CSMD1: variants seen among roughly 807,000 people sequenced by gnomAD.
The protein encoded by CSMD1 is CUB and sushi domain-containing protein 1.
Under a neutral mutation model 417.5 loss-of-function variants are expected in CSMD1, and 213 were observed. That is an observed-to-expected ratio of 0.51 (90% CI 0.46 to 0.57). CSMD1 has a LOEUF of 0.57. CSMD1 is among the 20% of genes least tolerant of loss of function. The pLI is 0.00. For missense variants in CSMD1, 6,923 were observed against 4,529.7 expected, an observed-to-expected ratio of 1.53 and a Z score of -15.17; for synonymous variants, 2,862 against 1,736.8, an observed-to-expected ratio of 1.65 and a Z score of -16.11.
chr8:3,005,203 A>G (rs1316698595), intron 52 of CSMD1, among the ~76,000 whole-genome samples: 1 of 152,208 alleles, frequency 6.6e-6, no homozygotes, highest in Non-Finnish European at 1.5e-5. Flanking sequence ...TGTTATACGT[A>G]TGGACTGTGC....
intron 3 of CSMD1, among the ~76,000 whole-genome samples, chr8:4,275,353 C>T (rs950960723): frequency 6.6e-6 from 1 of 152,062 alleles, no homozygotes; most frequent in Non-Finnish European, 1.5e-5. Flanking sequence ...TTGGAAGAAA[C>T]TCAGTGCCAA....
At chr8:4,107,597 AG>A (rs1456820764) in intron 3 of CSMD1, among the ~76,000 whole-genome samples, 6 of 152,228 alleles carry the variant, frequency 3.9e-5, no homozygotes, top group Non-Finnish European at 2.9e-5. Flanking sequence ...CTTTGTGAAT[AG>A]CTGGGAGTAT....
At chr8:3,186,176 T>A (rs1026807800) in intron 36 of CSMD1, among the ~76,000 whole-genome samples, 1 of 152,116 alleles carries the variant, frequency 6.6e-6, no homozygotes, top group African/African-American at 2.4e-5. Context: ...GTTGTTGTTG[T>A]TGATGATGTT....
chr8:4,429,385 A>G (rs896906220), intron 2 of CSMD1, among the ~76,000 whole-genome samples: 6 of 152,150 alleles, frequency 3.9e-5, no homozygotes, highest in African/African-American at 1.2e-4. Context: ...ACATCTACAT[A>G]TACAAACTAT....
intron 3 of CSMD1, among the ~76,000 whole-genome samples, chr8:4,240,095 A>G (rs1436111487): frequency 6.6e-6 from 1 of 152,230 alleles, no homozygotes; most frequent in Non-Finnish European, 1.5e-5. Flanking sequence ...CTTCTTAAAT[A>G]CTAAACCAAA....
At chr8:4,257,118 G>C (rs1406137220) in intron 3 of CSMD1, among the ~76,000 whole-genome samples, 1 of 152,200 alleles carries the variant, frequency 6.6e-6, no homozygotes, top group South Asian at 2.1e-4. Flanking sequence ...CTCTATATGA[G>C]TCATACTCAC....
intron 37 of CSMD1, among the ~76,000 whole-genome samples, chr8:3,176,229 C>A (rs182388921): frequency 1.1e-3 from 171 of 152,208 alleles, no homozygotes; most frequent in Admixed American, 2.8e-3. Context: ...CTATTGTAAG[C>A]CATCTCTAAA....
intron 40 of CSMD1, among the ~76,000 whole-genome samples, chr8:3,143,000 A>C (rs1163740959): frequency 6.6e-6 from 1 of 152,206 alleles, no homozygotes. Context: ...GCACTCGGGG[A>C]TGATTTTGTC....
chr8:4,393,878 A>C (rs1270709709), intron 3 of CSMD1, among the ~76,000 whole-genome samples: 1 of 152,228 alleles, frequency 6.6e-6, no homozygotes, highest in Non-Finnish European at 1.5e-5. Context: ...CGGAACAACC[A>C]TGAGACATAT....
chr8:3,066,136 T>C (rs1024447063), intron 49 of CSMD1, among the ~76,000 whole-genome samples: 3 of 152,196 alleles, frequency 2.0e-5, no homozygotes, highest in African/African-American at 4.8e-5. Flanking sequence ...TTGAGGTCTG[T>C]CCCTGCTTCC....
At chr8:3,443,890 T>C (rs1474373159) in intron 12 of CSMD1, among the ~76,000 whole-genome samples, 1 of 152,208 alleles carries the variant, frequency 6.6e-6, no homozygotes, top group Admixed American at 6.5e-5. Flanking sequence ...GTCTGTGTTG[T>C]AAGATACAGC....
chr8:4,187,117 C>T (rs549010788), intron 3 of CSMD1, among the ~76,000 whole-genome samples: 1 of 151,172 alleles, frequency 6.6e-6, no homozygotes, highest in Non-Finnish European at 1.5e-5. Flanking sequence ...AGAATTTCAC[C>T]AAGTCTCCAC....
chr8:4,083,927 T>G (rs947534526), intron 3 of CSMD1, among the ~76,000 whole-genome samples: 9 of 152,122 alleles, frequency 5.9e-5, no homozygotes, highest in African/African-American at 1.9e-4. Flanking sequence ...AGAGAAAACT[T>G]TCGCAACCTA....
chr8:3,200,356 A>G (rs1366042914), intron 32 of CSMD1, among the ~76,000 whole-genome samples: 1 of 151,896 alleles, frequency 6.6e-6, no homozygotes, highest in East Asian at 1.9e-4. Flanking sequence ...GGAGTTTGAG[A>G]CCAGCCTGGC....
intron 5 of CSMD1, among the ~76,000 whole-genome samples, chr8:3,967,964 G>C (rs1353897089): frequency 1.4e-5 from 2 of 143,160 alleles, no homozygotes; most frequent in African/African-American, 5.3e-5. Flanking sequence ...TCAGGAGATC[G>C]AGACCATCCT....
chr8:3,959,423 T>G (rs1585035908), intron 5 of CSMD1, among the ~76,000 whole-genome samples: 2 of 152,254 alleles, frequency 1.3e-5, no homozygotes, highest in Middle Eastern at 6.8e-3. Flanking sequence ...CACTTGAACC[T>G]GGGAGGTGGA....
At chr8:4,160,640 G>C (rs746759154) in intron 3 of CSMD1, among the ~76,000 whole-genome samples, 133 of 152,348 alleles carry the variant, frequency 8.7e-4, no homozygotes, top group Non-Finnish European at 1.5e-3. Context: ...CACTCTGGAA[G>C]TCTTTGTACT....
intron 3 of CSMD1, among the ~76,000 whole-genome samples, chr8:4,217,357 T>C (rs1563289840): frequency 6.6e-6 from 1 of 152,190 alleles, no homozygotes; most frequent in Non-Finnish European, 1.5e-5. Flanking sequence ...ATCAACTATA[T>C]TTTCTCTAAT....
At chr8:3,491,837 C>G (rs1180948307) in intron 11 of CSMD1, among the ~76,000 whole-genome samples, 1 of 152,202 alleles carries the variant, frequency 6.6e-6, no homozygotes, top group African/African-American at 2.4e-5. Context: ...AAACCAGCCC[C>G]ACACCACCCG....
Sources: gnomAD v4.1 joint callset for allele counts (sites outside exome capture counted in the v4.1 genomes callset) on GRCh38, gnomAD v4.1.1 for gene constraint, MANE v1.5 for transcripts, NCBI Gene and HGNC (gene_info 2026-07-23, HGNC 2026-07-21) for gene names.